The following NSMCE2 variants were observed in gnomAD, a reference collection of about 807,000 sequenced individuals.
The protein encoded by NSMCE2 is E3 SUMO-protein ligase NSE2.
In NSMCE2, 24 loss-of-function variants were observed where a neutral mutation model predicts 23.8. That is an observed-to-expected ratio of 1.01 (90% CI 0.73 to 1.42). The LOEUF is 1.42. Ranked by LOEUF, NSMCE2 falls within the 40% of genes most tolerant of loss-of-function variation. The pLI, the probability that NSMCE2 is intolerant of heterozygous loss-of-function variation, is 0.00. For synonymous variants in NSMCE2, 92 were observed against 94.1 expected, an observed-to-expected ratio of 0.98 and a Z score of 0.13; for missense variants, 284 against 296.5, an observed-to-expected ratio of 0.96 and a Z score of 0.31.
In NSMCE2 at chr8:125,102,571, C is replaced by T. The variant is rs888462134; in HGVS notation, c.157+84C>T. The stretch of plus-strand genomic sequence containing the variant: ...TTATCTGGGGGTGCCTTTTGAGTAT[C>T]CTTGGGGGAATGATTTAACCCCTCT... On this transcript the variant is annotated intron_variant, in intron 3 of 7. Transcript: ENST00000287437. 10 of 1,077,990 alleles carry T rather than the reference C, an allele frequency of 9.3e-6. No homozygotes were observed. The East Asian group carries it at 2.1e-4, about 23-fold the overall frequency. The allele number at this position is 1,077,990 out of a possible 1,614,324, so 66.8% of individuals were successfully genotyped here. A position where few individuals can be genotyped will look rare whatever the true frequency, so the allele number is the denominator to read the frequency against.
chr8:125,222,242 T>C (rs534116452), intron 5 of NSMCE2, among the ~76,000 whole-genome samples: 18 of 152,150 alleles, frequency 1.2e-4, no homozygotes, highest in African/African-American at 4.3e-4. Flanking sequence ...TTTAAAATTT[T>C]TTAATTGAGA....
chr8:125,292,918 G>A (rs531597920), intron 5 of NSMCE2, among the ~76,000 whole-genome samples: 1 of 152,252 alleles, frequency 6.6e-6, no homozygotes, highest in East Asian at 1.9e-4. Context: ...ATGTTGGCAG[G>A]TCATACTTGT....
At chr8:125,306,099 G>A (rs1030824060) in intron 5 of NSMCE2, among the ~76,000 whole-genome samples, 1 of 152,096 alleles carries the variant, frequency 6.6e-6, no homozygotes, top group African/African-American at 2.4e-5. Flanking sequence ...AGGCTGAGAT[G>A]GGAGGATTGC....
chr8:125,257,300 A>G (rs1826475828), intron 5 of NSMCE2, among the ~76,000 whole-genome samples: 1 of 151,888 alleles, frequency 6.6e-6, no homozygotes. Context: ...GAAAAAAAAA[A>G]AAAGACATTT....
At chr8:125,246,698 A>G (rs182836978) in intron 5 of NSMCE2, among the ~76,000 whole-genome samples, 188 of 152,258 alleles carry the variant, frequency 1.2e-3, no homozygotes, top group African/African-American at 4.3e-3. Context: ...GAAACTTTGC[A>G]TTTTATTTTA....
chr8:125,324,700 G>A (rs1829591069), intron 5 of NSMCE2, among the ~76,000 whole-genome samples: 2 of 98,394 alleles, frequency 2.0e-5, no homozygotes, highest in African/African-American at 5.7e-5. Context: ...TCAGCCTCCC[G>A]AGTAGCTGGG....
chr8:125,231,818 CTG>C (rs1481443576), intron 5 of NSMCE2, among the ~76,000 whole-genome samples: 6 of 152,128 alleles, frequency 3.9e-5, no homozygotes, highest in Non-Finnish European at 5.9e-5. Context: ...GTTTATAAAT[CTG>C]TTCTCTCTAC....
chr8:125,181,334 A>G (rs548590222), intron 4 of NSMCE2, among the ~76,000 whole-genome samples: 19 of 152,242 alleles, frequency 1.2e-4, no homozygotes, highest in African/African-American at 4.1e-4. Context: ...TTGAGAGGAA[A>G]GTTTGTTGTG....
intron 5 of NSMCE2, among the ~76,000 whole-genome samples, chr8:125,316,755 C>CCTTCCTTCCTTCCTTCCTTCCTTCCTTT (rs1563780340): frequency 7.0e-6 from 1 of 143,060 alleles, no homozygotes; most frequent in Non-Finnish European, 1.5e-5. Flanking sequence ...TTCCTTCCTT[C>CCTTCCTTCCTTCCTTCCTTCCTTCCTTT]CTTCCTTCCT....
rs113680431 is a variant in NSMCE2, at chr8:125,167,763, A to AT, written c.265-14328dup. Among the ~76,000 whole-genome samples, 170 of 146,456 alleles carry AT rather than the reference A, an allele frequency of 1.2e-3. 5 individuals are homozygous for AT. The East Asian group carries it at 0.019, about 16-fold the overall frequency. ...GAATTCTTTTTTTTTTTCTTGTAAG[A>AT]TTTTTTTTTTTTATTTTAGGAAACA... is the stretch of plus-strand genomic sequence containing the variant. On this transcript the variant is annotated intron_variant, in intron 4 of 7. Transcript: ENST00000287437.
intron 5 of NSMCE2, among the ~76,000 whole-genome samples, chr8:125,257,549 T>TC (rs1826491802): frequency 9.8e-6 from 1 of 101,658 alleles, no homozygotes; most frequent in Non-Finnish European, 1.9e-5. Flanking sequence ...TTTTTTTTTT[T>TC]CTGAGACGGA....
chr8:125,265,407 GAC>G (rs1175594559), intron 5 of NSMCE2, among the ~76,000 whole-genome samples: 1 of 151,758 alleles, frequency 6.6e-6, no homozygotes, highest in African/African-American at 2.4e-5. Flanking sequence ...TTTTTGAAGA[GAC>G]AGGAGTTCTC....
In NSMCE2 at chr8:125,330,177, C is replaced by CTTTTTTTTTTTTTTTTTTTT. The variant is rs34345598; in HGVS notation, c.419-27039_419-27038insTTTTTTTTTTTTTTTTTTTT. ...AAACAGAACTAACTTTTTCTTTTTT[C>CTTTTTTTTTTTTTTTTTTTT]TTTCTTTTTTTTTTTTTTTGAGACA... is the stretch of plus-strand genomic sequence containing the variant. On this transcript the variant is annotated intron_variant, in intron 5 of 7. Transcript: ENST00000287437. Among the ~76,000 whole-genome samples, 4 of 119,122 alleles carry CTTTTTTTTTTTTTTTTTTTT rather than the reference C, an allele frequency of 3.4e-5. 1 individual carries two copies. The highest frequency in any genetic ancestry group is 1.6e-5 in the Non-Finnish European group (1 of 61,536). The allele number at this position is 119,122 out of a possible 152,430, so 78.1% of individuals were successfully genotyped here.
chr8:125,218,375 G>T (rs1824694945), intron 5 of NSMCE2, among the ~76,000 whole-genome samples: 1 of 151,072 alleles, frequency 6.6e-6, no homozygotes, highest in African/African-American at 2.4e-5. Context: ...AACTCCACAT[G>T]CATTTGGGAT....
intron 5 of NSMCE2, among the ~76,000 whole-genome samples, chr8:125,304,274 C>T (rs1563773370): frequency 6.6e-6 from 1 of 152,046 alleles, no homozygotes; most frequent in Non-Finnish European, 1.5e-5. Flanking sequence ...TATAAAGATC[C>T]TACCAAGATA....
chr8:125,111,779 A>T (rs1433393408), intron 3 of NSMCE2, among the ~76,000 whole-genome samples: 1 of 152,200 alleles, frequency 6.6e-6, no homozygotes, highest in East Asian at 1.9e-4. Flanking sequence ...CAACCTAGGC[A>T]GTAGAGTGAG....
chr8:125,183,899 C>T (rs1046512433), intron 5 of NSMCE2, among the ~76,000 whole-genome samples: 1 of 151,536 alleles, frequency 6.6e-6, no homozygotes, highest in Non-Finnish European at 1.5e-5. Flanking sequence ...GTGAAAAGAC[C>T]GAGAACTATT....
rs1829048804 is a variant in NSMCE2, at chr8:125,313,265, AAAAG to A, written c.419-43949_419-43946del. Among the ~76,000 whole-genome samples, 7 of 152,260 alleles carry A rather than the reference AAAAG, an allele frequency of 4.6e-5. No homozygotes were observed. In the South Asian group the frequency reaches 1.5e-3, roughly 32 times the overall value. ...GAAAGAAAAGAAAAGAAGGAAAGAA[AAAAG>A]AAAGGATGAGAAGGCAGGTATAGCT... is the stretch of plus-strand genomic sequence containing the variant. On this transcript the variant is annotated intron_variant, in intron 5 of 7. Coordinates refer to ENST00000287437, the MANE Select transcript of NSMCE2 (RefSeq NM_173685.4).
At chr8:125,298,643 A>T (rs569065599) in intron 5 of NSMCE2, among the ~76,000 whole-genome samples, 1 of 150,504 alleles carries the variant, frequency 6.6e-6, no homozygotes, top group South Asian at 2.1e-4. Flanking sequence ...ATTGAACGTG[A>T]CCAGTGGTTC....
Sources: allele counts gnomAD v4.1 joint callset (sites outside exome capture counted in the v4.1 genomes callset), GRCh38; gene constraint gnomAD v4.1.1; transcripts MANE v1.5; gene names NCBI Gene and HGNC (gene_info 2026-07-23, HGNC 2026-07-21).